Variants in EP300 observed in about 807,000 individuals in gnomAD.
EP300 encodes the protein histone acetyltransferase p300.
In EP300, 31 loss-of-function variants were observed where a neutral mutation model predicts 264.0. The observed-to-expected ratio is 0.12, with a 90% confidence interval of 0.09 to 0.16. EP300 has a LOEUF of 0.16. EP300 is among the 10% of genes least tolerant of loss of function. EP300 has a pLI of 1.00. For synonymous variants in EP300, 1,340 were observed against 1,045.4 expected, an observed-to-expected ratio of 1.28 and a Z score of -5.44; for missense variants, 2,766 against 3,052.9, an observed-to-expected ratio of 0.91 and a Z score of 2.21.
At position 41,125,038 on chromosome 22, in the gene EP300, A is replaced by G. The variant is rs551848060; in HGVS notation, c.730-826A>G. On this transcript the variant is annotated intron_variant, in intron 2 of 30. Coordinates refer to ENST00000263253, the MANE Select transcript of EP300 (RefSeq NM_001429.4). ...CTTGCAGCCTCAACCTCCCAGGCTCAGGTGATCCTCCTACCTCAGCCTCCT... is the reference window on the plus strand; with the variant it reads ...CTTGCAGCCTCAACCTCCCAGGCTCGGGTGATCCTCCTACCTCAGCCTCCT... 1.2e-4 allele frequency among the ~76,000 whole-genome samples: 18 copies of G among 150,730 alleles called. 2 individuals are homozygous for G. The highest frequency in any genetic ancestry group is 9.3e-4 in the Admixed American group (14 of 15,134).
intron 9 of EP300, among the ~76,000 whole-genome samples, 174 bp downstream of exon 9, chr22:41,140,431 T>C (rs1403911888): frequency 6.6e-6 from 1 of 152,148 alleles, no homozygotes; most frequent in African/African-American, 2.4e-5. Flanking sequence ...CTTAAGTGTA[T>C]GTCATCAAGA....
chr22:41,113,163 C>CCA (rs912633760), intron 1 of EP300, among the ~76,000 whole-genome samples: 7 of 141,380 alleles, frequency 5.0e-5, no homozygotes, highest in Admixed American at 1.5e-4. Context: ...TTCCACCCCC[C>CCA]CCCCAACTTA....
intron 10 of EP300, 66 bp from the exon 11 acceptor site, chr22:41,146,673 G>T: frequency 7.4e-7 from 1 of 1,345,192 alleles, no homozygotes; most frequent in Non-Finnish European, 1.1e-6. Context: ...GTTTGTGTGT[G>T]CAGTGAGTTT....
intron 1 of EP300, among the ~76,000 whole-genome samples, chr22:41,094,085 G>A (rs1458487255): frequency 1.3e-5 from 2 of 152,212 alleles, no homozygotes; most frequent in Non-Finnish European, 2.9e-5. Flanking sequence ...AGTTCAGGGA[G>A]ACTTCTTCCA....
chr22:41,179,799 C>G lies in EP300; in HGVS notation c.*843C>G, dbSNP rs568903436. The G allele has an allele frequency of 8.8e-6, 2 of 227,654 alleles. No homozygotes were observed. The highest frequency in any genetic ancestry group is 5.7e-5 in the Admixed American group (1 of 17,500). 14.1% of individuals were successfully genotyped at this position (227,654 alleles called of 1,614,324 possible). A position where few individuals can be genotyped will look rare whatever the true frequency, so the allele number is the denominator to read the frequency against. The stretch of plus-strand genomic sequence containing the variant: ...TTAAAAAGAGGGTAAGAAACGATTC[C>G]GGTGGGATGATTTTAACATGCAAAA... On this transcript the variant is annotated 3_prime_UTR_variant, in exon 31 of 31. Transcript: ENST00000263253.
intron 1 of EP300, among the ~76,000 whole-genome samples, chr22:41,095,652 G>T (rs569380373): frequency 6.6e-6 from 1 of 151,864 alleles, no homozygotes; most frequent in South Asian, 2.1e-4. Flanking sequence ...TGTAACTTTT[G>T]ATTTTTGAGT....
chr22:41,165,724 T>C (rs2059130407), intron 22 of EP300, among the ~76,000 whole-genome samples: 1 of 150,914 alleles, frequency 6.6e-6, no homozygotes. Flanking sequence ...ACCTGGCACA[T>C]TTTCTTGATT....
chr22:41,118,675 CTT>C (rs1160336386), intron 2 of EP300, among the ~76,000 whole-genome samples: 1 of 152,084 alleles, frequency 6.6e-6, no homozygotes, highest in Non-Finnish European at 1.5e-5. Flanking sequence ...TCCTGAGAAT[CTT>C]GGGTGCAGTG....
At chr22:41,094,690 T>C (rs1160022936) in intron 1 of EP300, among the ~76,000 whole-genome samples, 7 of 152,206 alleles carry the variant, frequency 4.6e-5, no homozygotes, top group Non-Finnish European at 1.0e-4. Flanking sequence ...TAATCACCTG[T>C]AGATTTTTGT....
intron 1 of EP300, among the ~76,000 whole-genome samples, chr22:41,097,606 T>C (rs981809261): frequency 3.9e-5 from 6 of 152,068 alleles, no homozygotes; most frequent in Non-Finnish European, 8.8e-5. Flanking sequence ...CAAAAACAAT[T>C]TGAGAGTTAT....
At chr22:41,162,426 C>A (rs2059113107) in intron 20 of EP300, among the ~76,000 whole-genome samples, 2 of 151,936 alleles carry the variant, frequency 1.3e-5, no homozygotes, top group Non-Finnish European at 2.9e-5. Flanking sequence ...AGCCATGATA[C>A]CTAACACCAA....
At chr22:41,132,952 T>G (rs2058929060) in intron 6 of EP300, among the ~76,000 whole-genome samples, 1 of 152,178 alleles carries the variant, frequency 6.6e-6, no homozygotes, top group African/African-American at 2.4e-5. Flanking sequence ...ATCAAACAGC[T>G]TTTTTCTGTG....
intron 1 of EP300, among the ~76,000 whole-genome samples, chr22:41,112,579 C>G (rs1379805988): frequency 2.0e-5 from 3 of 152,148 alleles, no homozygotes; most frequent in Non-Finnish European, 4.4e-5. Flanking sequence ...CCCTGGATTC[C>G]TGGGATTATC....
Position 41,177,636 on chromosome 22 carries a change from T to G in EP300, c.5925T>G (p.Gly1975=), listed in dbSNP as rs1464982435. ...TGAACCCACCTCCCATGACCAGAGG[T>G]CCCAGTGGGCATTTGGAGCCAGGGA... The part of the protein sequence containing the change: ...MGMNPPPMTR[G]PSGHLEPGMG... The change falls in exon 31 of 31, where the codon GGT becomes GGG. Residue 1975 remains glycine, a synonymous_variant. Coordinates refer to ENST00000263253, the MANE Select transcript of EP300 (RefSeq NM_001429.4). The G allele has an allele frequency of 6.2e-7, 1 of 1,613,746 alleles. No individual in the cohort carries two copies. The highest frequency in any genetic ancestry group is 8.5e-7 in the Non-Finnish European group (1 of 1,179,948).
intron 1 of EP300, among the ~76,000 whole-genome samples, chr22:41,094,839 A>G (rs1158906220): frequency 1.3e-5 from 2 of 152,130 alleles, no homozygotes; most frequent in East Asian, 3.8e-4. Context: ...AGTAGTCCTG[A>G]TTTGAGCAGT....
chr22:41,177,556 C>G lies in EP300; in HGVS notation c.5845C>G (p.Gln1949Glu), dbSNP rs1267665674. The G allele has an allele frequency of 6.2e-7, 1 of 1,614,068 alleles. No homozygotes were observed. Among genetic ancestry groups the G allele is most frequent in the Non-Finnish European group, 8.5e-7 (1 of 1,180,044 alleles). The change falls in exon 31 of 31, where the codon CAA becomes GAA. Residue 1949 changes from glutamine to glutamate, a missense_variant. Physicochemically the swap from Gln to Glu is conservative, Grantham distance 29. Transcript: ENST00000263253. ...CCAGATGGCCCACGTGCAAATTTTTCAAAGGCCAATCCAACACCAGATGCC... is the reference window on the plus strand; with the variant it reads ...CCAGATGGCCCACGTGCAAATTTTTGAAAGGCCAATCCAACACCAGATGCC... ...QRQMAHVQIFQRPIQHQMPPM... is the reference protein window; with the variant it reads ...QRQMAHVQIFERPIQHQMPPM...
chr22:41,173,267 A>AC (rs2059181077), intron 28 of EP300, among the ~76,000 whole-genome samples: 1 of 152,214 alleles, frequency 6.6e-6, no homozygotes, highest in Non-Finnish European at 1.5e-5. Context: ...AGGAAATAAA[A>AC]CCAAGGTCTT....
At chr22:41,095,043 CTTAG>C (rs1298303457) in intron 1 of EP300, among the ~76,000 whole-genome samples, 3 of 151,888 alleles carry the variant, frequency 2.0e-5, no homozygotes, top group Non-Finnish European at 2.9e-5. Flanking sequence ...AAGAGTTTAT[CTTAG>C]TTACTTTTCT....
chr22:41,168,343 T>C (rs2059151966), intron 23 of EP300, 106 bp from the exon 24 acceptor site: 1 of 1,375,176 alleles, frequency 7.3e-7, no homozygotes, highest in Non-Finnish European at 1.0e-6. Context: ...TTTCACCAAG[T>C]TATCCTGTTT....
Sources: gnomAD v4.1 joint callset for allele counts (sites outside exome capture counted in the v4.1 genomes callset) on GRCh38, gnomAD v4.1.1 for gene constraint, MANE v1.5 for transcripts, NCBI Gene and HGNC (gene_info 2026-07-23, HGNC 2026-07-21) for gene names.